LILRB1: variants seen among roughly 807,000 people sequenced by gnomAD.
LILRB1 encodes leukocyte immunoglobulin-like receptor subfamily B member 1.
Under a neutral mutation model 74.6 loss-of-function variants are expected in LILRB1, and 59 were observed. The ratio of observed to expected loss-of-function variants is 0.79; its 90% CI spans 0.64 to 0.98. The LOEUF is 0.98. Ranked by LOEUF, LILRB1 falls within the 50% of genes least tolerant of loss-of-function variation. The pLI, the probability that LILRB1 is intolerant of heterozygous loss-of-function variation, is 0.00. For synonymous variants in LILRB1, 328 were observed against 333.9 expected (o/e 0.98, Z 0.19); for missense variants, 804 against 822.6 (o/e 0.98, Z 0.28).
In LILRB1 at chr19:54,632,117, A is replaced by G. The variant is rs755910748; in HGVS notation, c.541A>G (p.Ile181Val). 3 of 1,614,208 alleles carry G rather than the reference A, an allele frequency of 1.9e-6. No individual in the cohort carries two copies. Among genetic ancestry groups the G allele is most frequent in the East Asian group, 4.5e-5 (2 of 44,880 alleles). The change falls in exon 5 of 15, where the codon ATC becomes GTC. Residue 181 changes from isoleucine (I) to valine (V), a missense_variant. Transcript: ENST00000324602. ...QPHARGSSRA[I>V]FSVGPVSPSR... The stretch of plus-strand genomic sequence containing the variant: ...CCATGCCCGTGGGTCGTCCCGCGCC[A>G]TCTTCTCCGTGGGCCCCGTGAGCCC...
intron 1 of LILRB1, among the ~76,000 whole-genome samples, chr19:54,618,162 GA>G (rs34568782): frequency 0.49 from 72,811 of 148,902 alleles, 18,527 homozygotes; most frequent in South Asian, 0.58. Context: ...GTTTGAGATA[GA>G]AAAAAAAGAG....
chr19:54,632,903 G>A, intron 6 of LILRB1, 113 bp from the exon 7 acceptor site: 3 of 1,542,982 alleles, frequency 1.9e-6, no homozygotes, highest in Non-Finnish European at 1.8e-6. Flanking sequence ...GCGGGGAGGG[G>A]GAGACTCAGA....
In LILRB1 at chr19:54,631,525, G is replaced by A. The variant is rs2063843080; in HGVS notation, c.96G>A (p.Trp32Ter). The A allele has an allele frequency of 1.9e-6, 3 of 1,613,594 alleles. No homozygotes were observed. The highest frequency in any genetic ancestry group is 1.3e-5 in the African/African-American group (1 of 74,892). Residue 32 changes from tryptophan (W) to a stop codon, truncating the protein, a stop_gained, in exon 4 of 15, where the codon TGG becomes TGA. Coordinates refer to ENST00000324602, the MANE Select transcript of LILRB1 (RefSeq NM_001081637.3). LOFTEE classifies it high-confidence loss of function. Reference protein sequence around the residue: ...QAGHLPKPTLWAEPGSVITQG... With the variant: ...QAGHLPKPTL ...GGCACCTCCCCAAGCCCACCCTCTGGGCTGAACCAGGCTCTGTGATCACCC... is the reference window on the plus strand; with the variant it reads ...GGCACCTCCCCAAGCCCACCCTCTGAGCTGAACCAGGCTCTGTGATCACCC...
chr19:54,626,173 A>G (rs983551604), upstream of LILRB1, among the ~76,000 whole-genome samples: 13 of 152,168 alleles, frequency 8.5e-5, no homozygotes, highest in Admixed American at 2.0e-4. Context: ...TCAGCCCACA[A>G]TCATTTTCTT....
intron 1 of LILRB1, among the ~76,000 whole-genome samples, chr19:54,621,961 T>A (rs1322978379): frequency 1.3e-5 from 2 of 152,192 alleles, no homozygotes; most frequent in African/African-American, 4.8e-5. Context: ...CCCCATTGTT[T>A]ACTTTGTTGA....
chr19:54,633,800 C>T lies in LILRB1; in HGVS notation c.1312+112C>T, dbSNP rs1240111490. 5.1e-5 allele frequency: 75 copies of T among 1,469,292 alleles called. No individual in the cohort carries two copies. In the East Asian group the frequency reaches 9.6e-4, roughly 19 times the overall value. 91.0% of individuals were successfully genotyped at this position (1,469,292 alleles called of 1,614,324 possible). Reference sequence around the variant, plus strand: ...AGACTCGAGCTTCCCTCCAGGGAGCCGGGCAGAGCCAGAGGAGGGGCCACA... The same window carrying T: ...AGACTCGAGCTTCCCTCCAGGGAGCTGGGCAGAGCCAGAGGAGGGGCCACA... On this transcript the variant is annotated intron_variant, in intron 8 of 14. Coordinates refer to ENST00000324602, the MANE Select transcript of LILRB1 (RefSeq NM_001081637.3).
Position 54,636,536 on chromosome 19 carries a change from G to T in LILRB1, c.1696G>T (p.Glu566Ter). 6.2e-7 allele frequency: 1 copy of T among 1,607,750 alleles called. No individual in the cohort carries two copies. ...AGACCCCCAGGCAGTGACGTATGCC[G>T]AGGTGAAACACTCCAGACCTAGGAG... Reference protein sequence around the residue: ...DEDPQAVTYAEVKHSRPRREM... With the variant: ...DEDPQAVTYA Residue 566 changes from glutamate to a stop codon, truncating the protein, a stop_gained, in exon 14 of 15, where the codon GAG becomes TAG. Coordinates refer to ENST00000324602, the MANE Select transcript of LILRB1 (RefSeq NM_001081637.3). LOFTEE classifies it high-confidence loss of function.
At chr19:54,632,300 G>A (rs535655763) in intron 5 of LILRB1, 63 bp downstream of exon 5, 19 of 1,574,978 alleles carry the variant, frequency 1.2e-5, no homozygotes, top group African/African-American at 5.4e-5. Context: ...GAGCAGCCGC[G>A]TCTCAGGGCA....
chr19:54,630,715 T>C, intron 1 of LILRB1, 82 bp downstream of exon 1: 1 of 557,850 alleles, frequency 1.8e-6, no homozygotes. Context: ...AGGAAGGAGA[T>C]GCCTCCGCTA....
chr19:54,622,613 GCA>G (rs2063483580), intron 1 of LILRB1, among the ~76,000 whole-genome samples: 2 of 152,308 alleles, frequency 1.3e-5, no homozygotes, highest in African/African-American at 4.8e-5. Flanking sequence ...CGTGTCATCA[GCA>G]CACACAGATA....
upstream of LILRB1, among the ~76,000 whole-genome samples, chr19:54,627,033 G>A (rs1344579804): frequency 6.6e-6 from 1 of 152,188 alleles, no homozygotes; most frequent in Non-Finnish European, 1.5e-5. Flanking sequence ...CCCAGGGTCT[G>A]TCCACAAACA....
rs1469977475 is a variant in LILRB1 at position 54,637,953 on chromosome 19, G to C, written c.*1075G>C. 1.4e-5 allele frequency among the ~76,000 whole-genome samples: 2 copies of C among 148,008 alleles called. No homozygotes were observed. Among genetic ancestry groups the C allele is most frequent in the Non-Finnish European group, 2.9e-5 (2 of 68,012 alleles). On this transcript the variant is annotated 3_prime_UTR_variant, in exon 15 of 15. Coordinates refer to ENST00000324602, the MANE Select transcript of LILRB1 (RefSeq NM_001081637.3). ...AGAGAATCTGACTCATTTTAGATGT[G>C]TGTGTGTGTGTATATATATGTGTGT... is the stretch of plus-strand genomic sequence containing the variant.
At chr19:54,616,892 C>T (rs534784358), upstream of LILRB1, among the ~76,000 whole-genome samples, 2 of 152,044 alleles carry the variant, frequency 1.3e-5, no homozygotes, top group African/African-American at 4.8e-5. Flanking sequence ...TGGATGGACC[C>T]CATCGTGATG....
At chr19:54,633,919 C>T in intron 8 of LILRB1, 52 bp from the exon 9 acceptor site, 1 of 1,555,512 alleles carries the variant, frequency 6.4e-7, no homozygotes, top group Non-Finnish European at 8.7e-7. Flanking sequence ...AGCAGCCGGG[C>T]TGATGTGGGG....
chr19:54,625,008 T>C (rs1052261364), intron 1 of LILRB1, among the ~76,000 whole-genome samples: 4 of 110,500 alleles, frequency 3.6e-5, no homozygotes, highest in African/African-American at 1.1e-4. Flanking sequence ...CGCTCACACT[T>C]CCCTCCTGAA....
intron 1 of LILRB1, 134 bp downstream of exon 1, chr19:54,630,767 T>C: frequency 1.4e-6 from 1 of 740,358 alleles, no homozygotes; most frequent in Middle Eastern, 2.3e-4. Flanking sequence ...ACCAGTTTTA[T>C]TTGCTGCTAC....
In LILRB1 at chr19:54,637,529, A is replaced by T. The variant is rs1254054134; in HGVS notation, c.*651A>T. 2 of 116,850 alleles carry T rather than the reference A, an allele frequency of 1.7e-5. No individual in the cohort carries two copies. The highest frequency in any genetic ancestry group is 3.5e-5 in the Non-Finnish European group (2 of 57,224). 7.2% of individuals were successfully genotyped at this position (116,850 alleles called of 1,614,324 possible). A position where few individuals can be genotyped will look rare whatever the true frequency, so the allele number is the denominator to read the frequency against. On this transcript the variant is annotated 3_prime_UTR_variant, in exon 15 of 15. Transcript: ENST00000324602. ...ACAGAGGGAGACTCCATCTCAAATT[A>T]AAAAAAAAAAAAAAAAAGAAAGAAA... is the stretch of plus-strand genomic sequence containing the variant.
chr19:54,617,778 A>G (rs1030715586), intron 1 of LILRB1, among the ~76,000 whole-genome samples: 5 of 152,060 alleles, frequency 3.3e-5, no homozygotes, highest in Middle Eastern at 3.2e-3. Context: ...TTTAGCTGAC[A>G]ACTGCCTGGG....
chr19:54,633,277 T>G lies in LILRB1; in HGVS notation c.1220T>G (p.Leu407Arg). The G allele has an allele frequency of 6.2e-7, 1 of 1,613,900 alleles. No homozygotes were observed. The highest frequency in any genetic ancestry group is 2.2e-5 in the East Asian group (1 of 44,830). ...CYGSQSSKPY[L>R]LTHPSDPLEL... The stretch of plus-strand genomic sequence containing the variant: ...GGCTCACAGAGCTCCAAACCCTACC[T>G]GCTGACTCACCCCAGTGACCCCCTG... Residue 407 changes from leucine to arginine, a missense_variant, in exon 7 of 15, where the codon CTG (leucine) becomes CGG (arginine). Leu to Arg is a moderately radical substitution (Grantham distance 102, BLOSUM62 -2). Transcript: ENST00000324602.
Sources: gnomAD v4.1 joint callset for allele counts (sites outside exome capture counted in the v4.1 genomes callset) on GRCh38, gnomAD v4.1.1 for gene constraint, MANE v1.5 for transcripts, NCBI Gene and HGNC (gene_info 2026-07-23, HGNC 2026-07-21) for gene names.